The following PCDH15 variants were observed in gnomAD, a reference collection of about 807,000 sequenced individuals.
PCDH15 encodes the protein protocadherin-15.
In PCDH15, 129 loss-of-function variants were observed where a neutral mutation model predicts 178.5. The ratio of observed to expected loss-of-function variants is 0.72; its 90% CI spans 0.63 to 0.84. The LOEUF (loss-of-function observed/expected upper bound fraction) is 0.84. Among genes scored for constraint, PCDH15 ranks in the 40% least tolerant of loss-of-function variants. The probability of loss-of-function intolerance (pLI) is 0.00; values close to 1 mark genes in which losing one functional copy is unlikely to be tolerated. For synonymous variants in PCDH15, 800 were observed against 732.0 expected, an observed-to-expected ratio of 1.09 and a Z score of -1.50; for missense variants, 2,230 against 2,099.9, an observed-to-expected ratio of 1.06 and a Z score of -1.21.
At position 54,490,374 on chromosome 10, in the gene PCDH15, C is replaced by T. The variant is rs1457396448; in HGVS notation, c.157+37438G>A. Among the ~76,000 whole-genome samples, 10 of 151,922 alleles carry T rather than the reference C, an allele frequency of 6.6e-5. No individual in the cohort carries two copies. The East Asian group carries it at 1.2e-3, about 18-fold the overall frequency. On this transcript the variant is annotated intron_variant, in intron 3 of 37. Coordinates refer to ENST00000644397, the MANE Select transcript of PCDH15 (RefSeq NM_001384140.1). The stretch of plus-strand genomic sequence containing the variant: ...CTGAGGCAGGAGAATGGCATGAACC[C>T]GGGAGGCAGAGCTTGCAGTGAGCTG...
chr10:55,120,278 G>A (rs1034340730), intron 2 of PCDH15, among the ~76,000 whole-genome samples: 1 of 152,190 alleles, frequency 6.6e-6, no homozygotes, highest in Non-Finnish European at 1.5e-5. Context: ...GAAGAAAGAT[G>A]AGACCTGGTG....
chr10:54,099,513 A>AAAAAAAAAAAAAAAAAAAT (rs1347306483), intron 15 of PCDH15, among the ~76,000 whole-genome samples: 1 of 117,930 alleles, frequency 8.5e-6, no homozygotes, highest in Non-Finnish European at 1.6e-5. Flanking sequence ...AAAAAAAAAA[A>AAAAAAAAAAAAAAAAAAAT]ATATATATAT....
intron 2 of PCDH15, among the ~76,000 whole-genome samples, chr10:54,586,524 A>AT (rs1364838936): frequency 1.3e-5 from 2 of 152,206 alleles, no homozygotes; most frequent in Admixed American, 6.5e-5. Context: ...ACCATATCAT[A>AT]TTTTTTATTA....
At chr10:54,715,346 G>T (rs1383668344) in intron 1 of PCDH15, among the ~76,000 whole-genome samples, 2 of 150,940 alleles carry the variant, frequency 1.3e-5, no homozygotes, top group Non-Finnish European at 3.0e-5. Context: ...GTGTAGATTG[G>T]TCTTGTTAAA....
At chr10:54,054,212 T>C (rs2135669429) in intron 18 of PCDH15, among the ~76,000 whole-genome samples, 1 of 152,216 alleles carries the variant, frequency 6.6e-6, no homozygotes, top group East Asian at 1.9e-4. Flanking sequence ...AGAAGGAAAA[T>C]AAGCATCTCA....
intron 1 of PCDH15, among the ~76,000 whole-genome samples, chr10:54,777,580 A>G (rs1949844780): frequency 6.6e-6 from 1 of 152,158 alleles, no homozygotes; most frequent in African/African-American, 2.4e-5. Context: ...GTAAACTTAT[A>G]TAAGACTTGA....
intron 4 of PCDH15, among the ~76,000 whole-genome samples, chr10:54,376,772 C>A (rs1372535646): frequency 6.6e-6 from 1 of 151,798 alleles, no homozygotes; most frequent in Non-Finnish European, 1.5e-5. Flanking sequence ...CATATAGGGA[C>A]AATATATCGA....
intron 2 of PCDH15, among the ~76,000 whole-genome samples, chr10:55,120,089 AAGATGGTGGCTT>A (rs1295130873): frequency 1.3e-5 from 2 of 152,138 alleles, no homozygotes. Flanking sequence ...ATTCAGATAA[AAGATGGTGGCTT>A]AACTGAAATT....
chr10:54,482,152 A>C (rs1228333084), intron 3 of PCDH15, among the ~76,000 whole-genome samples: 2 of 151,914 alleles, frequency 1.3e-5, no homozygotes, highest in African/African-American at 4.8e-5. Flanking sequence ...ATAACAATTG[A>C]ATATCATTTG....
Position 53,806,596 on chromosome 10 carries a change from G to T in PCDH15, c.5206C>A (p.Pro1736Thr). The T allele has an allele frequency of 6.2e-7, 1 of 1,612,848 alleles. No individual in the cohort carries two copies. Among genetic ancestry groups the T allele is most frequent in the Non-Finnish European group, 8.5e-7 (1 of 1,179,180 alleles). Reference sequence around the variant, plus strand: ...AAAATTGGTCACAGTTTTGTCATTGGTATATGGAGGTTGTTCCAGGGGCCC... The same window carrying T: ...AAAATTGGTCACAGTTTTGTCATTGTTATATGGAGGTTGTTCCAGGGGCCC... ...WMGPWNNLHIPMTKL is the reference protein window; with the variant it reads ...WMGPWNNLHITMTKL The change falls in exon 38 of 38, where the codon CCA becomes ACA. Residue 1736 changes from proline to threonine, a missense_variant. Physicochemically the swap from Pro to Thr is conservative, Grantham distance 38 (BLOSUM62 -1). Transcript: ENST00000644397.
At chr10:54,501,038 T>C (rs553785385) in intron 3 of PCDH15, among the ~76,000 whole-genome samples, 35 of 151,788 alleles carry the variant, frequency 2.3e-4, no homozygotes, top group African/African-American at 8.2e-4. Flanking sequence ...AGCTGAACGA[T>C]GAGAATACAT....
intron 13 of PCDH15, among the ~76,000 whole-genome samples, chr10:54,168,942 CA>C (rs1280523452): frequency 6.6e-6 from 1 of 151,904 alleles, no homozygotes; most frequent in African/African-American, 2.4e-5. Context: ...AAACCCCAGC[CA>C]CATCTCCAGC....
intron 2 of PCDH15, among the ~76,000 whole-genome samples, chr10:55,041,175 A>G (rs1197047890): frequency 6.6e-6 from 1 of 152,124 alleles, no homozygotes; most frequent in Non-Finnish European, 1.5e-5. Context: ...TTTCTATTTT[A>G]CATATCAGCT....
At chr10:54,263,662 C>T (rs1334383943) in intron 8 of PCDH15, among the ~76,000 whole-genome samples, 1 of 152,120 alleles carries the variant, frequency 6.6e-6, no homozygotes, top group African/African-American at 2.4e-5. Flanking sequence ...AAACTTCACC[C>T]CTGCAACTAC....
At chr10:54,092,600 A>C (rs2094617989) in intron 15 of PCDH15, among the ~76,000 whole-genome samples, 1 of 151,874 alleles carries the variant, frequency 6.6e-6, no homozygotes, top group Non-Finnish European at 1.5e-5. Flanking sequence ...TCATAATGGA[A>C]GCCTAGGAGT....
At chr10:55,197,800 A>G (rs1840135396) in intron 1 of PCDH15, among the ~76,000 whole-genome samples, 2 of 152,142 alleles carry the variant, frequency 1.3e-5, no homozygotes, top group Admixed American at 6.5e-5. Flanking sequence ...AAGTTATAAT[A>G]CATTCCCATT....
rs935364778 is a variant in PCDH15 at position 55,285,381 on chromosome 10, T to A, written c.-156+34218A>T. On this transcript the variant is annotated intron_variant, in intron 1 of 5. Transcript: ENST00000458638. ...AAGTACTTTTATACACATAGGTACA[T>A]ATATTATTATGATTTGTCCAAATTG... Among the ~76,000 whole-genome samples the A allele has an allele frequency of 2.4e-4, 36 of 151,644 alleles. 1 individual carries two copies. Among genetic ancestry groups the A allele is most frequent in the African/African-American group, 8.4e-4 (35 of 41,482 alleles).
chr10:54,300,986 T>C (rs2060117419), intron 8 of PCDH15, among the ~76,000 whole-genome samples: 1 of 152,184 alleles, frequency 6.6e-6, no homozygotes, highest in Non-Finnish European at 1.5e-5. Context: ...TTTGGGTCTG[T>C]ACCACCTTTA....
At chr10:54,561,284 T>C (rs905612165) in intron 2 of PCDH15, among the ~76,000 whole-genome samples, 3 of 152,152 alleles carry the variant, frequency 2.0e-5, no homozygotes, top group African/African-American at 4.8e-5. Flanking sequence ...GGGCTTCCAA[T>C]TGAAAATATT....
Sources: gnomAD v4.1 joint callset for allele counts (sites outside exome capture counted in the v4.1 genomes callset) on GRCh38, gnomAD v4.1.1 for gene constraint, MANE v1.5 for transcripts, NCBI Gene and HGNC (gene_info 2026-07-23, HGNC 2026-07-21) for gene names.